Variants in CNTN1 observed in about 807,000 individuals in gnomAD.
CNTN1 encodes contactin-1.
A neutral mutation model predicts 126.4 loss-of-function variants in CNTN1; 38 were observed. The observed-to-expected ratio is 0.30, with a 90% confidence interval of 0.23 to 0.39. CNTN1 has a LOEUF of 0.39. Among genes scored for constraint, CNTN1 ranks in the 10% least tolerant of loss-of-function variants. CNTN1 has a pLI of 1.00. For missense variants in CNTN1, 1,009 were observed against 1,248.4 expected, an observed-to-expected ratio of 0.81 and a Z score of 2.89; for synonymous variants, 413 against 422.6, an observed-to-expected ratio of 0.98 and a Z score of 0.28.
intron 14 of CNTN1, among the ~76,000 whole-genome samples, chr12:40,949,171 G>C (rs1946552936): frequency 7.0e-6 from 1 of 142,020 alleles, no homozygotes; most frequent in South Asian, 2.2e-4. Flanking sequence ...AAAAGGAGAG[G>C]AAAAATGATA....
intron 23 of CNTN1, among the ~76,000 whole-genome samples, chr12:41,055,495 C>T (rs1949784044): frequency 6.6e-6 from 1 of 152,094 alleles, no homozygotes. Flanking sequence ...CTTTGGCATT[C>T]TAAGTGCAAT....
At chr12:40,835,876 A>G (rs1219191817) in intron 1 of CNTN1, among the ~76,000 whole-genome samples, 1 of 151,530 alleles carries the variant, frequency 6.6e-6, no homozygotes, top group East Asian at 1.9e-4. Flanking sequence ...AGATGAGGCA[A>G]ATTCTACACA....
rs978621710 is a variant in CNTN1, at chr12:40,966,175, A to G, written c.1804+6941A>G. Among the ~76,000 whole-genome samples the G allele has an allele frequency of 3.7e-4, 57 of 152,108 alleles. 2 individuals are homozygous for G. The highest frequency in any genetic ancestry group is 3.7e-3 in the Admixed American group (56 of 15,230). ...ATTTGGGGCAGAAAAACACACATTT[A>G]CCTCAGATATTTGGATAATTGCCTC... On this transcript the variant is annotated intron_variant, in intron 15 of 23. Coordinates refer to ENST00000551295, the MANE Select transcript of CNTN1 (RefSeq NM_001843.4).
At chr12:40,772,236 T>C (rs1174253633) in intron 1 of CNTN1, among the ~76,000 whole-genome samples, 1 of 152,048 alleles carries the variant, frequency 6.6e-6, no homozygotes, top group African/African-American at 2.4e-5. Context: ...ATTTGTGCTT[T>C]AAAGATAGAT....
intron 14 of CNTN1, among the ~76,000 whole-genome samples, chr12:40,948,872 C>T (rs1032790075): frequency 2.0e-5 from 3 of 152,190 alleles, no homozygotes; most frequent in Non-Finnish European, 4.4e-5. Context: ...CATGTCTACA[C>T]AGTTTCAAGT....
At chr12:40,768,918 CTTTTAT>C (rs1182645230) in intron 1 of CNTN1, among the ~76,000 whole-genome samples, 1 of 152,024 alleles carries the variant, frequency 6.6e-6, no homozygotes, top group Non-Finnish European at 1.5e-5. Context: ...ACATAAGAAT[CTTTTAT>C]TTTTATGTTA....
At chr12:40,824,226 C>A (rs1224502636) in intron 1 of CNTN1, among the ~76,000 whole-genome samples, 1 of 152,020 alleles carries the variant, frequency 6.6e-6, no homozygotes, top group Non-Finnish European at 1.5e-5. Context: ...GCCGTATCAC[C>A]TGATAAATTG....
At chr12:40,805,451 T>C (rs1213584719) in intron 1 of CNTN1, among the ~76,000 whole-genome samples, 1 of 152,080 alleles carries the variant, frequency 6.6e-6, no homozygotes, top group Non-Finnish European at 1.5e-5. Flanking sequence ...TACTGGTTGG[T>C]CTATCAAAGA....
chr12:40,777,346 C>T (rs992747794), intron 1 of CNTN1, among the ~76,000 whole-genome samples: 1 of 151,426 alleles, frequency 6.6e-6, no homozygotes, highest in Non-Finnish European at 1.5e-5. Flanking sequence ...TAATAATAAG[C>T]TCTTCCTAGG....
intron 1 of CNTN1, among the ~76,000 whole-genome samples, chr12:40,881,961 T>C (rs1943884130): frequency 6.6e-6 from 1 of 151,846 alleles, no homozygotes; most frequent in South Asian, 2.1e-4. Flanking sequence ...ATATGCTATT[T>C]ATAATTTACT....
chr12:40,928,303 T>G (rs1945763606), intron 6 of CNTN1, among the ~76,000 whole-genome samples: 1 of 152,014 alleles, frequency 6.6e-6, no homozygotes. Flanking sequence ...CATATCAGCT[T>G]GGATGAAAGA....
intron 20 of CNTN1, among the ~76,000 whole-genome samples, chr12:41,023,153 A>T (rs1393302904): frequency 6.6e-6 from 1 of 152,158 alleles, no homozygotes; most frequent in African/African-American, 2.4e-5. Context: ...TTCCCATGAA[A>T]ATGTACGATG....
intron 1 of CNTN1, among the ~76,000 whole-genome samples, chr12:40,904,616 G>A (rs1944745985): frequency 6.6e-6 from 1 of 151,926 alleles, no homozygotes; most frequent in African/African-American, 2.4e-5. Context: ...TTTTACTAGT[G>A]ATAGGGTTTC....
At position 41,002,558 on chromosome 12, in the gene CNTN1, CT is replaced by C. The variant is rs1360030646; in HGVS notation, c.2113+9306del. On this transcript the variant is annotated intron_variant, in intron 17 of 23. Coordinates refer to ENST00000551295, the MANE Select transcript of CNTN1 (RefSeq NM_001843.4). ...TGGGCTGAGACTATAGGGTTTCTTT[CT>C]TTTTTTTTTTTTTTTTGAGATGGAG... is the stretch of plus-strand genomic sequence containing the variant. Among the ~76,000 whole-genome samples the C allele has an allele frequency of 9.2e-3, 1,233 of 134,568 alleles. 18 individuals are homozygous for C. The highest frequency in any genetic ancestry group is 0.027 in the African/African-American group (985 of 36,038). 88.3% of individuals were successfully genotyped at this position (134,568 alleles called of 152,430 possible).
chr12:40,991,653 T>C lies in CNTN1; in HGVS notation c.1964-1467T>C, dbSNP rs1427744321. 3.3e-5 allele frequency among the ~76,000 whole-genome samples: 5 copies of C among 152,096 alleles called. No individual in the cohort carries two copies. In the East Asian group the frequency reaches 5.8e-4, roughly 18 times the overall value. On this transcript the variant is annotated intron_variant, in intron 16 of 23. Coordinates refer to ENST00000551295, the MANE Select transcript of CNTN1 (RefSeq NM_001843.4). ...GACCATCCTGGCTAACACGGTGAAA[T>C]GCCGTCTCTACTACAAATACAAAAA...
At chr12:41,051,119 G>GTTTTT (rs1949665323) in intron 23 of CNTN1, among the ~76,000 whole-genome samples, 1 of 144,082 alleles carries the variant, frequency 6.9e-6, no homozygotes, top group Non-Finnish European at 1.5e-5. Context: ...AGTGAGCTGT[G>GTTTTT]TTTTTAGAAC....
intron 15 of CNTN1, among the ~76,000 whole-genome samples, chr12:40,969,204 C>A (rs141910889): frequency 6.6e-6 from 1 of 152,010 alleles, no homozygotes; most frequent in Non-Finnish European, 1.5e-5. Flanking sequence ...CTTGAGGGAG[C>A]CTTTTGTGGG....
chr12:40,878,951 A>T (rs1225788428), intron 1 of CNTN1, among the ~76,000 whole-genome samples: 1 of 152,182 alleles, frequency 6.6e-6, no homozygotes, highest in Non-Finnish European at 1.5e-5. Context: ...TATAGCTTTC[A>T]ATTAGTTGTT....
chr12:41,032,373 A>C (rs570644284), intron 23 of CNTN1, among the ~76,000 whole-genome samples: 1 of 113,270 alleles, frequency 8.8e-6, no homozygotes, highest in Non-Finnish European at 1.7e-5. Context: ...GTCTCAAAAA[A>C]AAAAAAAAAA....
Sources: allele counts gnomAD v4.1 joint callset (sites outside exome capture counted in the v4.1 genomes callset), GRCh38; gene constraint gnomAD v4.1.1; transcripts MANE v1.5; gene names NCBI Gene and HGNC (gene_info 2026-07-23, HGNC 2026-07-21).